Variants in ULK2 observed in about 807,000 individuals in gnomAD.
ULK2 encodes serine/threonine-protein kinase ULK2.
ULK2 carries 76 observed loss-of-function variants against 127.5 expected under a neutral mutation model. The observed-to-expected ratio is 0.60, with a 90% CI of 0.50 to 0.72. ULK2 has a LOEUF of 0.72. Ranked by LOEUF, ULK2 falls within the 30% of genes least tolerant of loss-of-function variation. The pLI is 0.00. For missense variants in ULK2, 1,144 were observed against 1,295.9 expected (o/e 0.88, Z 1.80); for synonymous variants, 452 against 461.9 (o/e 0.98, Z 0.28).
chr17:19,866,023 TAACA>T (rs2042344192), intron 1 of ULK2, among the ~76,000 whole-genome samples, 195 bp from the exon 2 acceptor site: 1 of 152,086 alleles, frequency 6.6e-6, no homozygotes, highest in Non-Finnish European at 1.5e-5. Context: ...CTTCTAAAAA[TAACA>T]AATATGAAGT....
intron 12 of ULK2, among the ~76,000 whole-genome samples, chr17:19,819,423 GAGA>G (rs1050258464): frequency 2.0e-5 from 3 of 152,216 alleles, no homozygotes; most frequent in South Asian, 2.1e-4. Context: ...CAAAAAGGAG[GAGA>G]AGGAGAAGAG....
chr17:19,867,269 G>T, intron 1 of ULK2, 59 bp downstream of exon 1: 1 of 1,371,412 alleles, frequency 7.3e-7, no homozygotes. Flanking sequence ...CCAAGTTTCA[G>T]AACCACCTAG....
At chr17:19,821,812 T>G (rs2041153351) in intron 12 of ULK2, among the ~76,000 whole-genome samples, 1 of 152,100 alleles carries the variant, frequency 6.6e-6, no homozygotes, top group African/African-American at 2.4e-5. Context: ...CAATCATAGC[T>G]CACTGTAACC....
intron 25 of ULK2, among the ~76,000 whole-genome samples, chr17:19,779,531 CAA>C (rs55957234): frequency 0.69 from 46,781 of 68,222 alleles, 13,370 homozygotes; most frequent in Middle Eastern, 0.76. Context: ...AACTCCATCT[CAA>C]AAAAAAAAAA....
In ULK2 at chr17:19,854,270, T is replaced by C. The variant is rs572333675; in HGVS notation, c.226-4496A>G. Among the ~76,000 whole-genome samples, 246 of 141,010 alleles carry C rather than the reference T, an allele frequency of 1.7e-3. 2 individuals carry two copies. The highest frequency in any genetic ancestry group is 6.3e-3 in the African/African-American group (237 of 37,866). The allele number at this position is 141,010 out of a possible 152,430, so 92.5% of individuals were successfully genotyped here. On this transcript the variant is annotated intron_variant, in intron 3 of 26. Coordinates refer to ENST00000395544, the MANE Select transcript of ULK2 (RefSeq NM_014683.4). Reference sequence around the variant, plus strand: ...TCCAGCCTGGGCAACAGAGATTCCATCTCAAAAAAAAAAAAAAAGCACACA... The same window carrying C: ...TCCAGCCTGGGCAACAGAGATTCCACCTCAAAAAAAAAAAAAAAGCACACA...
chr17:19,832,984 G>A lies in ULK2; in HGVS notation c.787+5517C>T, dbSNP rs145663708. Among the ~76,000 whole-genome samples the A allele has an allele frequency of 1.5e-3, 231 of 152,116 alleles. 1 individual carries two copies. Among genetic ancestry groups the A allele is most frequent in the African/African-American group, 5.1e-3 (210 of 41,500 alleles). On this transcript the variant is annotated intron_variant, in intron 10 of 26. Transcript: ENST00000395544. Reference sequence around the variant, plus strand: ...CTAAAAATACAAAAATTCACCAGGCGTAGTGGTGTGCACCTGTAATCCCAG... The same window carrying A: ...CTAAAAATACAAAAATTCACCAGGCATAGTGGTGTGCACCTGTAATCCCAG...
chr17:19,817,276 T>A (rs157402), intron 12 of ULK2, among the ~76,000 whole-genome samples: 1 of 152,168 alleles, frequency 6.6e-6, no homozygotes, highest in Non-Finnish European at 1.5e-5. Flanking sequence ...CTTAATAACT[T>A]TCCACTTAAT....
chr17:19,794,726 A>G (rs938472195), intron 20 of ULK2, among the ~76,000 whole-genome samples: 4 of 146,876 alleles, frequency 2.7e-5, no homozygotes, highest in African/African-American at 1.0e-4. Flanking sequence ...TCATAGAGAA[A>G]AAAAAAAAAA....
At chr17:19,784,383 G>A (rs1383245791) in intron 21 of ULK2, among the ~76,000 whole-genome samples, 1 of 151,982 alleles carries the variant, frequency 6.6e-6, no homozygotes, top group African/African-American at 2.4e-5. Context: ...AGTGGTATAA[G>A]AAGGAATGGA....
chr17:19,800,011 T>C (rs1168464129), intron 16 of ULK2, among the ~76,000 whole-genome samples: 1 of 152,202 alleles, frequency 6.6e-6, no homozygotes, highest in East Asian at 1.9e-4. Flanking sequence ...GGGACACTAA[T>C]TCAGGCTTGT....
At position 19,820,402 on chromosome 17, in the gene ULK2, T is replaced by C. The variant is rs2041110394; in HGVS notation, c.925-3482A>G. ...GAAATTCCTTTGCTTGACCTCCAAATACTGTCAGGCCTCTGTCTACCTCTC... is the reference window on the plus strand; with the variant it reads ...GAAATTCCTTTGCTTGACCTCCAAACACTGTCAGGCCTCTGTCTACCTCTC... On this transcript the variant is annotated intron_variant, in intron 12 of 26. Transcript: ENST00000395544. 2.6e-5 allele frequency among the ~76,000 whole-genome samples: 4 copies of C among 152,162 alleles called. No individual in the cohort carries two copies. The South Asian group carries it at 8.3e-4, about 31-fold the overall frequency.
intron 14 of ULK2, 125 bp from the exon 15 acceptor site, chr17:19,804,955 T>C: frequency 9.5e-7 from 1 of 1,048,712 alleles, no homozygotes; most frequent in Non-Finnish European, 1.3e-6. Context: ...ACTACCTTAA[T>C]AAGAAATGAT....
intron 21 of ULK2, among the ~76,000 whole-genome samples, chr17:19,784,785 C>T (rs945763277): frequency 6.6e-6 from 1 of 151,982 alleles, no homozygotes; most frequent in African/African-American, 2.4e-5. Flanking sequence ...CTCGGCCTCC[C>T]AAAGTGCTGG....
At chr17:19,844,798 T>C (rs913200015) in intron 7 of ULK2, among the ~76,000 whole-genome samples, 1 of 152,126 alleles carries the variant, frequency 6.6e-6, no homozygotes, top group African/African-American at 2.4e-5. Context: ...CATTAGAAGT[T>C]TCATAGCCTA....
intron 1 of ULK2, 76 bp downstream of exon 1, chr17:19,867,252 G>T: frequency 8.1e-7 from 1 of 1,227,398 alleles, no homozygotes; most frequent in South Asian, 1.6e-5. Context: ...CTCGGCTCGC[G>T]GCTGCGCCAA....
intron 13 of ULK2, among the ~76,000 whole-genome samples, chr17:19,816,043 T>C (rs1253662623): frequency 6.6e-6 from 1 of 152,204 alleles, no homozygotes; most frequent in Non-Finnish European, 1.5e-5. Context: ...TCTTCACAAC[T>C]AGCACAGTGC....
chr17:19,815,246 AT>A lies in ULK2; in HGVS notation c.1096+1502del, dbSNP rs150073942. On this transcript the variant is annotated intron_variant, in intron 13 of 26. Coordinates refer to ENST00000395544, the MANE Select transcript of ULK2 (RefSeq NM_014683.4). The stretch of plus-strand genomic sequence containing the variant: ...AGGCACTTTAGCTGTACTTAACAGC[AT>A]TTTTTTTTGTTTGTTTTTTTGTTTG... 3.7e-3 allele frequency among the ~76,000 whole-genome samples: 555 copies of A among 151,032 alleles called. 4 individuals carry two copies. The highest frequency in any genetic ancestry group is 0.013 in the African/African-American group (530 of 41,168).
chr17:19,867,564 G>A lies in ULK2; in HGVS notation c.-147C>T. ...CCGGGCCCGGGCGGACTCTCATGCC[G>A]AGAGACCGGAGCGGAAACTGGGGAA... is the stretch of plus-strand genomic sequence containing the variant. On this transcript the variant is annotated 5_prime_UTR_variant, in exon 1 of 27. Transcript: ENST00000395544. 1 of 388,426 alleles carries A rather than the reference G, an allele frequency of 2.6e-6. No individual in the cohort carries two copies. Among genetic ancestry groups the A allele is most frequent in the Non-Finnish European group, 4.2e-6 (1 of 237,680 alleles). The allele number at this position is 388,426 out of a possible 1,614,324, so 24.1% of individuals were successfully genotyped here.
chr17:19,781,887 A>G lies in ULK2; in HGVS notation c.2639+2T>C, dbSNP rs17339568. 6.2e-7 allele frequency: 1 copy of G among 1,611,294 alleles called. No homozygotes were observed. ...GGAAATGAATGACAAGGGGGCACCC[A>G]CCCCCAGTCTTTGCTCAGCTGACTG... On this transcript the variant is annotated splice_donor_variant, in intron 23 of 26. Coordinates refer to ENST00000395544, the MANE Select transcript of ULK2 (RefSeq NM_014683.4). LOFTEE classifies it high-confidence loss of function.
Sources: gnomAD v4.1 joint callset for allele counts (sites outside exome capture counted in the v4.1 genomes callset) on GRCh38, gnomAD v4.1.1 for gene constraint, MANE v1.5 for transcripts, NCBI Gene and HGNC (gene_info 2026-07-23, HGNC 2026-07-21) for gene names.